The following SGF29 variants were observed in gnomAD, a reference collection of about 807,000 sequenced individuals.
The protein encoded by SGF29 is SAGA-associated factor 29.
SGF29 carries 15 observed loss-of-function variants against 38.1 expected under a neutral mutation model. The observed-to-expected ratio is 0.39, with a 90% CI of 0.26 to 0.61. The LOEUF (loss-of-function observed/expected upper bound fraction) is 0.61. Among genes scored for constraint, SGF29 ranks in the 20% least tolerant of loss-of-function variants. The pLI is 0.49. For synonymous variants in SGF29, 151 were observed against 160.8 expected, an observed-to-expected ratio of 0.94 and a Z score of 0.46; for missense variants, 184 against 394.6, an observed-to-expected ratio of 0.47 and a Z score of 4.52.
chr16:28,564,665 GCATATATA>G (rs1567285820), intron 1 of SGF29, among the ~76,000 whole-genome samples: 1 of 68,362 alleles, frequency 1.5e-5, no homozygotes, highest in African/African-American at 5.3e-5. Flanking sequence ...GTATATATAT[GCATATATA>G]TGTATATATA....
In SGF29 at chr16:28,581,141, C is replaced by A. The variant is rs140833597; in HGVS notation, c.72C>A (p.Thr24=). 82 of 1,613,824 alleles carry A rather than the reference C, an allele frequency of 5.1e-5. No homozygotes were observed. Among genetic ancestry groups the A allele is most frequent in the Admixed American group, 3.3e-5 (2 of 59,950 alleles). The change falls in exon 2 of 10, where the codon ACC becomes ACA. Residue 24 remains threonine (T), a synonymous_variant. Transcript: ENST00000317058. ...LTELHQLIKQ[T]QEERSRSEHN... Reference sequence around the variant, plus strand: ...AGCTCCATCAGCTGATCAAACAAACCCAGGTAAAAAGTCACCACCCTCCAT... The same window carrying A: ...AGCTCCATCAGCTGATCAAACAAACACAGGTAAAAAGTCACCACCCTCCAT...
chr16:28,578,251 G>A (rs2046906202), intron 1 of SGF29, among the ~76,000 whole-genome samples: 1 of 151,796 alleles, frequency 6.6e-6, no homozygotes, highest in South Asian at 2.1e-4. Context: ...ATTCCTTAGG[G>A]TTTTCTATAT....
At position 28,590,503 on chromosome 16, in the gene SGF29, A is replaced by G. The variant is rs2046982609; in HGVS notation, c.566+61A>G. 2.5e-6 allele frequency: 4 copies of G among 1,613,504 alleles called. No individual in the cohort carries two copies. The highest frequency in any genetic ancestry group is 3.4e-6 in the Non-Finnish European group (4 of 1,179,748). On this transcript the variant is annotated intron_variant, in intron 7 of 9. Coordinates refer to ENST00000317058, the MANE Select transcript of SGF29 (RefSeq NM_138414.3). The surrounding 1 kb of genome is among the most constrained non-coding windows in gnomAD (Gnocchi z 8.2). The stretch of plus-strand genomic sequence containing the variant: ...ACCGAACTTGCCTGGGCTACGGGAG[A>G]AAAGCTCTGCAGAGGGTGCTCCCCA...
intron 1 of SGF29, among the ~76,000 whole-genome samples, chr16:28,563,269 G>A (rs891533018): frequency 1.3e-5 from 2 of 152,170 alleles, no homozygotes; most frequent in East Asian, 3.8e-4. Flanking sequence ...GTTGCCATTC[G>A]CCAGATACGT....
At chr16:28,569,710 A>AC (rs2046853803) in intron 1 of SGF29, among the ~76,000 whole-genome samples, 3 of 152,214 alleles carry the variant, frequency 2.0e-5, no homozygotes, top group Admixed American at 1.3e-4. Context: ...TGGCCAAGCC[A>AC]TCCTTTGATA....
At chr16:28,565,572 A>G (rs1481266421) in intron 1 of SGF29, among the ~76,000 whole-genome samples, 19 of 151,990 alleles carry the variant, frequency 1.3e-4, no homozygotes, top group Non-Finnish European at 2.9e-5. Flanking sequence ...ATTTTGGCTC[A>G]CTGTAACCTC....
chr16:28,554,393 C>G (rs1008566893), intron 1 of SGF29, among the ~76,000 whole-genome samples: 2 of 152,148 alleles, frequency 1.3e-5, no homozygotes, highest in African/African-American at 4.8e-5. Context: ...ACGGACGCAG[C>G]TTCCAGGTGG....
chr16:28,588,832 A>G, intron 4 of SGF29: 1 of 390,914 alleles, frequency 2.6e-6, no homozygotes, highest in Non-Finnish European at 4.9e-6. Flanking sequence ...CGGCCTCCCA[A>G]AGTGCTGGGA....
intron 4 of SGF29, among the ~76,000 whole-genome samples, chr16:28,586,973 G>A (rs1350889134): frequency 6.6e-6 from 1 of 151,978 alleles, no homozygotes; most frequent in Non-Finnish European, 1.5e-5. Flanking sequence ...TCAGCCTCCT[G>A]AGTAGCTGGG....
chr16:28,556,817 T>TA (rs1276775840), intron 1 of SGF29, among the ~76,000 whole-genome samples: 4 of 152,110 alleles, frequency 2.6e-5, no homozygotes, highest in African/African-American at 9.7e-5. Context: ...CTAATTATTT[T>TA]ATTTTGTTTT....
chr16:28,572,007 T>G (rs917117436), intron 1 of SGF29, among the ~76,000 whole-genome samples: 1 of 152,080 alleles, frequency 6.6e-6, no homozygotes, highest in South Asian at 2.1e-4. Context: ...TGAGACGGAG[T>G]CTCGCACTGT....
intron 2 of SGF29, among the ~76,000 whole-genome samples, chr16:28,582,516 C>T (rs1017205075): frequency 3.3e-5 from 5 of 152,156 alleles, no homozygotes; most frequent in Non-Finnish European, 5.9e-5. Flanking sequence ...CACTCTAATG[C>T]AAGATGTTAA....
chr16:28,564,618 T>C (rs895864822), intron 1 of SGF29, among the ~76,000 whole-genome samples: 10 of 129,642 alleles, frequency 7.7e-5, no homozygotes, highest in Non-Finnish European at 1.3e-4. Context: ...TATATATACA[T>C]ATATGCATAT....
Position 28,584,970 on chromosome 16 carries a change from A to G in SGF29, c.133A>G (p.Met45Val). The G allele has an allele frequency of 6.2e-7, 1 of 1,613,846 alleles. No homozygotes were observed. Among genetic ancestry groups the G allele is most frequent in the South Asian group, 1.1e-5 (1 of 91,072 alleles). The change falls in exon 3 of 10, where the codon ATG becomes GTG. Residue 45 changes from methionine to valine, a missense_variant. By Grantham distance (21) the Met-to-Val change is conservative (BLOSUM62 1). Coordinates refer to ENST00000317058, the MANE Select transcript of SGF29 (RefSeq NM_138414.3). ...GAACATCCAGAAGACCCATGAGCGG[A>G]TGCAGACAGAGAACAAGAGTGAGTA... ...LVNIQKTHER[M>V]QTENKISPYY...
rs1006870288 is a variant in SGF29 at position 28,581,215 on chromosome 16, G to T, written c.75+71G>T. 28 of 1,424,036 alleles carry T rather than the reference G, an allele frequency of 2.0e-5. No homozygotes were observed. The African/African-American group carries it at 3.5e-4, about 18-fold the overall frequency. 88.2% of individuals were successfully genotyped at this position (1,424,036 alleles called of 1,614,324 possible). ...GATGCTGAGCCGTGAAGTGGGGGTG[G>T]CATTTGTGTTCAGAGAGATTGGACT... On this transcript the variant is annotated intron_variant, in intron 2 of 9. Coordinates refer to ENST00000317058, the MANE Select transcript of SGF29 (RefSeq NM_138414.3).
intron 1 of SGF29, among the ~76,000 whole-genome samples, chr16:28,557,439 G>A (rs2046759191): frequency 6.6e-6 from 1 of 152,200 alleles, no homozygotes; most frequent in African/African-American, 2.4e-5. Context: ...TTTGCCCTGT[G>A]CACCTCTTCC....
chr16:28,589,351 G>A lies in SGF29; in HGVS notation c.289+187G>A, dbSNP rs559009446. Reference sequence around the variant, plus strand: ...TCATTCCCAGTGCCCAGAGGCAGGGGTTTCCCAGTTCTCCCTCAGCAGCCA... The same window carrying A: ...TCATTCCCAGTGCCCAGAGGCAGGGATTTCCCAGTTCTCCCTCAGCAGCCA... On this transcript the variant is annotated intron_variant, in intron 5 of 9. Coordinates refer to ENST00000317058, the MANE Select transcript of SGF29 (RefSeq NM_138414.3). 375 of 587,690 alleles carry A rather than the reference G, an allele frequency of 6.4e-4. 2 individuals carry two copies. The African/African-American group carries it at 6.5e-3, about 10-fold the overall frequency. 36.4% of individuals were successfully genotyped at this position (587,690 alleles called of 1,614,324 possible). A position where few individuals can be genotyped will look rare whatever the true frequency, so the allele number is the denominator to read the frequency against.
chr16:28,576,190 A>AG (rs2046892296), intron 1 of SGF29, among the ~76,000 whole-genome samples: 1 of 152,168 alleles, frequency 6.6e-6, no homozygotes, highest in South Asian at 2.1e-4. Context: ...TAATTCTCAT[A>AG]GATATGTACC....
At chr16:28,566,520 G>A (rs1338922071) in intron 1 of SGF29, among the ~76,000 whole-genome samples, 2 of 151,952 alleles carry the variant, frequency 1.3e-5, no homozygotes, top group African/African-American at 4.8e-5. Context: ...TGGGCGTGGC[G>A]GCTCACATCT....
Sources: allele counts gnomAD v4.1 joint callset (sites outside exome capture counted in the v4.1 genomes callset), GRCh38; gene constraint gnomAD v4.1.1; non-coding constraint Gnocchi (gnomAD v3.1); transcripts MANE v1.5; gene names NCBI Gene and HGNC (gene_info 2026-07-23, HGNC 2026-07-21).